GRIA2: variants seen among roughly 807,000 people sequenced by gnomAD.
The protein encoded by GRIA2 is glutamate receptor 2.
GRIA2 carries 14 observed loss-of-function variants against 97.3 expected under a neutral mutation model. The ratio of observed to expected loss-of-function variants is 0.14; its 90% CI spans 0.10 to 0.23. The LOEUF (loss-of-function observed/expected upper bound fraction) is 0.23. GRIA2 is among the 10% of genes least tolerant of loss of function. The pLI is 1.00. For missense variants in GRIA2, 558 were observed against 1,069.8 expected (o/e 0.52, Z 6.67); for synonymous variants, 412 against 387.8 (o/e 1.06, Z -0.73).
intron 2 of GRIA2, among the ~76,000 whole-genome samples, chr4:157,242,243 A>G (rs1214470505): frequency 6.6e-6 from 1 of 152,120 alleles, no homozygotes; most frequent in Non-Finnish European, 1.5e-5. Context: ...CCTATGTTTT[A>G]GCAATACACT....
At chr4:157,230,126 A>G (rs1243449252) in intron 2 of GRIA2, among the ~76,000 whole-genome samples, 1 of 152,158 alleles carries the variant, frequency 6.6e-6, no homozygotes, top group Non-Finnish European at 1.5e-5. Context: ...TGATATAAGA[A>G]AAGTTTCCTC....
intron 2 of GRIA2, among the ~76,000 whole-genome samples, chr4:157,245,134 G>C (rs1225036337): frequency 3.3e-5 from 5 of 151,952 alleles, no homozygotes; most frequent in African/African-American, 1.2e-4. Context: ...TCAAACATAG[G>C]ATGGTAGCAG....
chr4:157,303,625 A>G lies in GRIA2; in HGVS notation c.303A>G (p.Thr101=). 3 of 1,614,054 alleles carry G rather than the reference A, an allele frequency of 1.9e-6. No homozygotes were observed. In the East Asian group the frequency reaches 6.7e-5, roughly 36 times the overall value. The change falls in exon 3 of 16, where the codon ACA becomes ACG. Residue 101 remains threonine (T), a synonymous_variant. Coordinates refer to ENST00000264426, the MANE Select transcript of GRIA2 (RefSeq NM_001083619.3). ...ACAAGAAGTCTGTAAATACCATCAC[A>G]TCATTTTGCGGAACACTCCACGTCT... ...FYDKKSVNTI[T]SFCGTLHVSF...
At chr4:157,340,304 A>C (rs1346094108) in intron 11 of GRIA2, among the ~76,000 whole-genome samples, 1 of 151,936 alleles carries the variant, frequency 6.6e-6, no homozygotes, top group Non-Finnish European at 1.5e-5. Flanking sequence ...GGTTAGTTTT[A>C]TTGGTTTGTC....
At chr4:157,318,792 GGA>G (rs1432258849) in intron 5 of GRIA2, among the ~76,000 whole-genome samples, 3 of 152,042 alleles carry the variant, frequency 2.0e-5, no homozygotes, top group Admixed American at 1.3e-4. Context: ...AGAGAAAGAG[GGA>G]GAGAGGCAGA....
In GRIA2 at chr4:157,364,740, T is replaced by C. The variant is rs990978802; in HGVS notation, c.*1309T>C. ...ATTATAAAAGCTGTCATAAACTTTA[T>C]ATATTATGAATTTTAAAATATGTTT... On this transcript the variant is annotated 3_prime_UTR_variant, in exon 16 of 16. Transcript: ENST00000264426. The C allele has an allele frequency of 3.9e-5, 6 of 152,178 alleles. No homozygotes were observed. The highest frequency in any genetic ancestry group is 4.4e-5 in the Non-Finnish European group (3 of 67,800). 9.4% of individuals were successfully genotyped at this position (152,178 alleles called of 1,614,324 possible).
rs1399357136 is a variant in GRIA2, at chr4:157,364,319, A to G, written c.*888A>G. ...GTGGTCCAATTAATTTTGCTTAGCT[A>G]CAGTTTGGTCATAAATCAAGTGAGT... On this transcript the variant is annotated 3_prime_UTR_variant, in exon 16 of 16. Coordinates refer to ENST00000264426, the MANE Select transcript of GRIA2 (RefSeq NM_001083619.3). 1 of 152,466 alleles carries G rather than the reference A, an allele frequency of 6.6e-6. No homozygotes were observed. Among genetic ancestry groups the G allele is most frequent in the Non-Finnish European group, 1.5e-5 (1 of 67,976 alleles). 9.4% of individuals were successfully genotyped at this position (152,466 alleles called of 1,614,324 possible).
At chr4:157,290,721 T>C (rs1203349254) in intron 2 of GRIA2, among the ~76,000 whole-genome samples, 2 of 151,826 alleles carry the variant, frequency 1.3e-5, no homozygotes, top group African/African-American at 4.8e-5. Flanking sequence ...AATCAGAACA[T>C]ATGCTTTGAT....
At chr4:157,227,801 A>G (rs545454104) in intron 2 of GRIA2, among the ~76,000 whole-genome samples, 76 of 152,332 alleles carry the variant, frequency 5.0e-4, no homozygotes, top group African/African-American at 1.8e-3. Flanking sequence ...CATAATTGCC[A>G]AATCTCTTGT....
Position 157,362,955 on chromosome 4 carries a change from A to G in GRIA2, c.2563A>G (p.Ile855Val). The part of the protein sequence containing the change: ...RMKVAKNAQN[I>V]NPSSSQNSQN... ...GAAGGTGGCAAAGAATGCACAGAAT[A>G]TTAACCCATCTTCCTCGCAGAATTC... is the stretch of plus-strand genomic sequence containing the variant. The change falls in exon 15 of 16, where the codon ATT becomes GTT. Residue 855 changes from isoleucine (I) to valine (V), a missense_variant. Physicochemically the swap from Ile to Val is conservative, Grantham distance 29 (BLOSUM62 3). Transcript: ENST00000264426. The G allele has an allele frequency of 6.2e-7, 1 of 1,613,626 alleles. No homozygotes were observed. The highest frequency in any genetic ancestry group is 8.5e-7 in the Non-Finnish European group (1 of 1,179,634).
chr4:157,340,195 A>C (rs769281169), intron 11 of GRIA2, among the ~76,000 whole-genome samples: 1 of 151,902 alleles, frequency 6.6e-6, no homozygotes, highest in African/African-American at 2.4e-5. Context: ...ACTTTAGATC[A>C]CAAATTGCCA....
At chr4:157,343,980 A>G (rs1735660369) in intron 12 of GRIA2, among the ~76,000 whole-genome samples, 1 of 152,038 alleles carries the variant, frequency 6.6e-6, no homozygotes, top group Non-Finnish European at 1.5e-5. Flanking sequence ...GGTTCTCAAA[A>G]TGTTTTCTAG....
chr4:157,278,274 A>T (rs1463468040), intron 2 of GRIA2, among the ~76,000 whole-genome samples: 1 of 151,954 alleles, frequency 6.6e-6, no homozygotes, highest in African/African-American at 2.4e-5. Flanking sequence ...AAAACAGTAG[A>T]CAAATAGATT....
chr4:157,329,340 A>C (rs1359991448), intron 6 of GRIA2, among the ~76,000 whole-genome samples: 2 of 152,018 alleles, frequency 1.3e-5, no homozygotes, highest in Non-Finnish European at 2.9e-5. Flanking sequence ...AATGTATAAA[A>C]ATTTTTTAAC....
chr4:157,314,207 A>T (rs1322083816), intron 4 of GRIA2, among the ~76,000 whole-genome samples: 1 of 152,172 alleles, frequency 6.6e-6, no homozygotes, highest in African/African-American at 2.4e-5. Flanking sequence ...GTGCAAGGAA[A>T]ATACACACTT....
At chr4:157,238,101 C>G (rs886622711) in intron 2 of GRIA2, among the ~76,000 whole-genome samples, 1 of 152,008 alleles carries the variant, frequency 6.6e-6, no homozygotes, top group Admixed American at 6.6e-5. Flanking sequence ...TAGTTTCATC[C>G]CCGGTTTGTC....
chr4:157,274,893 T>C (rs1732214368), intron 2 of GRIA2, among the ~76,000 whole-genome samples: 2 of 151,496 alleles, frequency 1.3e-5, no homozygotes, highest in Admixed American at 6.6e-5. Flanking sequence ...AGTAATGGGA[T>C]GGCTGGGTCA....
In GRIA2 at chr4:157,303,598, T is replaced by C. The variant is rs527445855; in HGVS notation, c.276T>C (p.Tyr92=). The change falls in exon 3 of 16, where the codon TAT becomes TAC. Residue 92 remains tyrosine, a synonymous_variant. Transcript: ENST00000264426. ...GAGTCTATGCTATTTTTGGATTTTA[T>C]GACAAGAAGTCTGTAAATACCATCA... The part of the protein sequence containing the change: ...SRGVYAIFGF[Y]DKKSVNTITS... 1.3e-5 allele frequency: 21 copies of C among 1,613,910 alleles called. No homozygotes were observed. In the South Asian group the frequency reaches 2.3e-4, roughly 18 times the overall value.
At chr4:157,340,162 T>C (rs1021853008) in intron 11 of GRIA2, among the ~76,000 whole-genome samples, 1 of 151,918 alleles carries the variant, frequency 6.6e-6, no homozygotes, top group Non-Finnish European at 1.5e-5. Context: ...AAAAGATTTA[T>C]TTCTTACTGT....
Sources: allele counts gnomAD v4.1 joint callset (sites outside exome capture counted in the v4.1 genomes callset), GRCh38; gene constraint gnomAD v4.1.1; transcripts MANE v1.5; gene names NCBI Gene and HGNC (gene_info 2026-07-23, HGNC 2026-07-21).